Variants in STIM2 observed in about 807,000 individuals in gnomAD.
The protein encoded by STIM2 is stromal interaction molecule 2.
STIM2 carries 31 observed loss-of-function variants against 85.8 expected under a neutral mutation model. That is an observed-to-expected ratio of 0.36 (90% CI 0.27 to 0.49). STIM2 has a LOEUF of 0.49. Among genes scored for constraint, STIM2 ranks in the 20% least tolerant of loss-of-function variants. The pLI is 0.98. For synonymous variants in STIM2, 356 were observed against 331.1 expected (o/e 1.08, Z -0.82); for missense variants, 841 against 927.6 (o/e 0.91, Z 1.21).
chr4:27,019,494 T>G (rs1389710246), intron 11 of STIM2: 5 of 1,289,540 alleles, frequency 3.9e-6, no homozygotes, highest in Admixed American at 2.3e-5. Context: ...CTGCACTGTC[T>G]AATAAAACTT....
intron 8 of STIM2, among the ~76,000 whole-genome samples, 184 bp from the exon 9 acceptor site, chr4:27,008,244 A>G (rs1728437824): frequency 6.6e-6 from 1 of 152,188 alleles, no homozygotes; most frequent in East Asian, 1.9e-4. Context: ...TGGCTTAGGA[A>G]AGCACGTTTT....
chr4:26,992,356 A>C (rs977403203), intron 3 of STIM2, among the ~76,000 whole-genome samples: 1 of 152,090 alleles, frequency 6.6e-6, no homozygotes, highest in Non-Finnish European at 1.5e-5. Context: ...CAGTTGTTGA[A>C]GTAACAATCA....
chr4:27,021,040 CTAAG>C (rs1560243608), intron 11 of STIM2: 4 of 1,536,476 alleles, frequency 2.6e-6, no homozygotes, highest in South Asian at 2.4e-5. Flanking sequence ...GTGAATGAGA[CTAAG>C]TAGTAAAGCT....
intron 1 of STIM2, among the ~76,000 whole-genome samples, chr4:26,915,621 T>C (rs1724546875): frequency 6.6e-6 from 1 of 152,222 alleles, no homozygotes; most frequent in Non-Finnish European, 1.5e-5. Flanking sequence ...TTGGCTCTAA[T>C]TACAGGAAAA....
intron 2 of STIM2, among the ~76,000 whole-genome samples, chr4:26,944,476 A>G (rs578018840): frequency 1.7e-4 from 26 of 152,052 alleles, no homozygotes; most frequent in African/African-American, 6.0e-4. Context: ...CTCTATTCCC[A>G]CCATTGGTCC....
At chr4:26,951,496 G>A (rs1346769186) in intron 2 of STIM2, among the ~76,000 whole-genome samples, 1 of 152,184 alleles carries the variant, frequency 6.6e-6, no homozygotes, top group East Asian at 1.9e-4. Flanking sequence ...AGGGATCACT[G>A]TTCTTTGTGT....
chr4:26,936,863 C>T (rs543915703), intron 2 of STIM2, among the ~76,000 whole-genome samples: 2 of 152,304 alleles, frequency 1.3e-5, no homozygotes, highest in East Asian at 1.9e-4. Flanking sequence ...GAACATGACT[C>T]ACCACAGCCT....
chr4:26,888,117 G>T lies in STIM2; in HGVS notation c.151+26748G>T, dbSNP rs145646369. Among the ~76,000 whole-genome samples, 42 of 152,300 alleles carry T rather than the reference G, an allele frequency of 2.8e-4. No homozygotes were observed. The East Asian group carries it at 6.0e-3, about 22-fold the overall frequency. On this transcript the variant is annotated intron_variant, in intron 1 of 11. Coordinates refer to ENST00000467087, the MANE Select transcript of STIM2 (RefSeq NM_020860.4). ...ACTGTGTTTACAAAATACCATCACA[G>T]TAGCACCCAGGTTAGTGTTTGATTG...
At chr4:26,940,533 T>A (rs1725572969) in intron 2 of STIM2, among the ~76,000 whole-genome samples, 1 of 152,160 alleles carries the variant, frequency 6.6e-6, no homozygotes, top group African/African-American at 2.4e-5. Flanking sequence ...TTATTTCTCT[T>A]TAAATGTGGT....
In STIM2 at chr4:27,002,229, A is replaced by C. The variant is rs779075717; in HGVS notation, c.638A>C (p.Asn213Thr). Residue 213 changes from asparagine (N) to threonine (T), a missense_variant, in exon 6 of 12, where the codon AAC becomes ACC. Asn to Thr is a moderately conservative substitution (Grantham distance 65). Transcript: ENST00000467087. ...ATTCTTTTAATAGGCCCACCTCATA[A>C]CTGGATGAAAGATTTTATCCTCACA... The C allele has an allele frequency of 9.3e-6, 15 of 1,608,620 alleles. No individual in the cohort carries two copies. The highest frequency in any genetic ancestry group is 1.3e-5 in the Non-Finnish European group (15 of 1,178,448).
intron 1 of STIM2, among the ~76,000 whole-genome samples, chr4:26,878,976 T>C (rs1361694353): frequency 1.3e-5 from 2 of 152,226 alleles, no homozygotes; most frequent in African/African-American, 4.8e-5. Flanking sequence ...AGGATTACAG[T>C]TGGGGGTCAG....
At chr4:26,899,702 T>A (rs1452887921) in intron 1 of STIM2, among the ~76,000 whole-genome samples, 4 of 152,198 alleles carry the variant, frequency 2.6e-5, no homozygotes, top group South Asian at 4.1e-4. Context: ...CTGTTTTGTG[T>A]CTATTTTTTG....
At chr4:27,004,396 C>T (rs1055190540) in intron 7 of STIM2, among the ~76,000 whole-genome samples, 3 of 151,960 alleles carry the variant, frequency 2.0e-5, no homozygotes, top group Middle Eastern at 3.2e-3. Context: ...ATACGGTATC[C>T]GAGAAGTGGG....
At chr4:26,955,657 A>G (rs897247551) in intron 2 of STIM2, among the ~76,000 whole-genome samples, 1 of 148,362 alleles carries the variant, frequency 6.7e-6, no homozygotes, top group East Asian at 1.9e-4. Flanking sequence ...GTAAGGCACT[A>G]TTTAGAGCAG....
intron 3 of STIM2, among the ~76,000 whole-genome samples, chr4:26,973,492 A>G (rs1387569535): frequency 6.6e-6 from 1 of 151,758 alleles, no homozygotes; most frequent in Admixed American, 6.6e-5. Flanking sequence ...TCATTTCGTT[A>G]TTTTCCCAGT....
chr4:26,980,942 T>G (rs1328317811), intron 3 of STIM2, among the ~76,000 whole-genome samples: 1 of 152,194 alleles, frequency 6.6e-6, no homozygotes, highest in Non-Finnish European at 1.5e-5. Context: ...AAGGAGCCCT[T>G]CCTTACTTTC....
At chr4:26,954,962 A>T (rs546286383) in intron 2 of STIM2, among the ~76,000 whole-genome samples, 1 of 146,716 alleles carries the variant, frequency 6.8e-6, no homozygotes, top group South Asian at 2.2e-4. Flanking sequence ...TGTTTATTCA[A>T]TTTTCACCCA....
intron 1 of STIM2, among the ~76,000 whole-genome samples, chr4:26,901,054 G>T (rs1723901919): frequency 6.6e-6 from 1 of 152,114 alleles, no homozygotes; most frequent in African/African-American, 2.4e-5. Flanking sequence ...TTCCCTTCTT[G>T]CGTTTCCTCT....
intron 2 of STIM2, among the ~76,000 whole-genome samples, chr4:26,957,104 G>T (rs1250719207): frequency 6.6e-6 from 1 of 152,068 alleles, no homozygotes; most frequent in African/African-American, 2.4e-5. Flanking sequence ...ATAGCATTTG[G>T]ATATAACCTA....
Sources: gnomAD v4.1 joint callset for allele counts (sites outside exome capture counted in the v4.1 genomes callset) on GRCh38, gnomAD v4.1.1 for gene constraint, MANE v1.5 for transcripts, NCBI Gene and HGNC (gene_info 2026-07-23, HGNC 2026-07-21) for gene names.